Variants in FAM149B1 observed in about 807,000 individuals in gnomAD.
FAM149B1 encodes primary cilium assembly protein FAM149B1.
FAM149B1 carries 56 observed loss-of-function variants against 75.3 expected under a neutral mutation model. The observed-to-expected ratio is 0.74, with a 90% CI of 0.60 to 0.93. FAM149B1 has a LOEUF of 0.93. Among genes scored for constraint, FAM149B1 ranks in the 40% least tolerant of loss-of-function variants. The probability of loss-of-function intolerance (pLI) is 0.00; values close to 1 mark genes in which losing one functional copy is unlikely to be tolerated. For missense variants in FAM149B1, 639 were observed against 708.4 expected (o/e 0.90, Z 1.11); for synonymous variants, 259 against 256.1 (o/e 1.01, Z -0.11).
At chr10:73,200,387 G>A in intron 5 of FAM149B1, 1 of 552,674 alleles carries the variant, frequency 1.8e-6, no homozygotes, top group Non-Finnish European at 3.5e-6. Context: ...GGCACTTGGA[G>A]ATTATATGGG....
In FAM149B1 at chr10:73,230,347, C is replaced by T. The variant is rs376112730; in HGVS notation, c.1024-75C>T. On this transcript the variant is annotated intron_variant, in intron 8 of 13. Transcript: ENST00000242505. ...TAAATAACCAAATTGGAAATATTAA[C>T]TTTTGGCAAAGTTGGAAAACCAAAC... 94 of 790,496 alleles carry T rather than the reference C, an allele frequency of 1.2e-4. No individual in the cohort carries two copies. In the African/African-American group the frequency reaches 1.3e-3, roughly 11 times the overall value. The allele number at this position is 790,496 out of a possible 1,614,324, so 49.0% of individuals were successfully genotyped here.
chr10:73,213,456 C>CAGGTCTTGGGTTT, intron 7 of FAM149B1, among the ~76,000 whole-genome samples: 1 of 152,218 alleles, frequency 6.6e-6, no homozygotes, highest in East Asian at 1.9e-4. Flanking sequence ...GTTACAGTTT[C>CAGGTCTTGGGTTT]AGGTCTTGGG....
chr10:73,216,034 C>T (rs376405025), intron 7 of FAM149B1, among the ~76,000 whole-genome samples: 6 of 152,242 alleles, frequency 3.9e-5, no homozygotes, highest in African/African-American at 1.2e-4. Context: ...TTGTTGTCTG[C>T]TCTTTCTTTA....
intron 5 of FAM149B1, among the ~76,000 whole-genome samples, chr10:73,203,963 T>G (rs566506262): frequency 5.3e-5 from 8 of 152,184 alleles, no homozygotes; most frequent in African/African-American, 1.9e-4. Context: ...TATAGCTAAA[T>G]CTTACAGGTC....
At chr10:73,183,892 C>T (rs1330872079) in intron 3 of FAM149B1, among the ~76,000 whole-genome samples, 1 of 152,158 alleles carries the variant, frequency 6.6e-6, no homozygotes. Flanking sequence ...AGACCCTATG[C>T]CCAACAGCAT....
chr10:73,227,972 G>A lies in FAM149B1; in HGVS notation c.899-88G>A. 1.5e-6 allele frequency: 2 copies of A among 1,302,142 alleles called. 1 individual carries two copies. Among genetic ancestry groups the A allele is most frequent in the Non-Finnish European group, 2.2e-6 (2 of 927,544 alleles). 80.7% of individuals were successfully genotyped at this position (1,302,142 alleles called of 1,614,324 possible). ...TAAGTGAAGCCTTGTTTGAGATTAT[G>A]AATTCTCAGGAGAGATCTTTTTTCA... On this transcript the variant is annotated intron_variant, in intron 7 of 13. Transcript: ENST00000242505.
At chr10:73,239,793 TA>T (rs1260192891) in intron 13 of FAM149B1, among the ~76,000 whole-genome samples, 1 of 152,214 alleles carries the variant, frequency 6.6e-6, no homozygotes, top group African/African-American at 2.4e-5. Flanking sequence ...TTTGATCAGT[TA>T]ATCTGTTAGG....
intron 5 of FAM149B1, chr10:73,201,287 A>G (rs140204782): frequency 9.0e-6 from 2 of 221,230 alleles, no homozygotes; most frequent in African/African-American, 4.6e-5. Context: ...GACAATTACA[A>G]TGTGCATTGT....
intron 7 of FAM149B1, among the ~76,000 whole-genome samples, chr10:73,217,653 A>G (rs994296292): frequency 8.5e-5 from 13 of 152,254 alleles, no homozygotes; most frequent in Non-Finnish European, 1.6e-4. Flanking sequence ...ACTGAGAGCT[A>G]GTGGACTAAC....
chr10:73,237,966 TAAAAA>T (rs140492282), intron 12 of FAM149B1, among the ~76,000 whole-genome samples: 21 of 151,272 alleles, frequency 1.4e-4, no homozygotes, highest in Non-Finnish European at 2.7e-4. Flanking sequence ...TTAAGTTTAT[TAAAAA>T]AAAAGTAAAA....
intron 5 of FAM149B1, among the ~76,000 whole-genome samples, chr10:73,201,994 G>C (rs567390580): frequency 1.2e-4 from 18 of 151,890 alleles, no homozygotes; most frequent in African/African-American, 2.4e-4. Context: ...GTGAAACCCC[G>C]TCTCTACTAA....
At chr10:73,188,314 G>A (rs7080885) in intron 3 of FAM149B1, among the ~76,000 whole-genome samples, 23,959 of 151,974 alleles carry the variant, frequency 0.16, 3,144 homozygotes, top group African/African-American at 0.34. Flanking sequence ...TAAAAAATTT[G>A]CTCAAAATGA....
intron 7 of FAM149B1, among the ~76,000 whole-genome samples, chr10:73,221,064 G>T (rs929283496): frequency 3.9e-5 from 6 of 152,160 alleles, no homozygotes; most frequent in Non-Finnish European, 7.4e-5. Flanking sequence ...CATATGAAAT[G>T]TCCAGAATAG....
rs1469027332 is a variant in FAM149B1, at chr10:73,200,257, G to A, written c.542+6664G>A. 2.3e-5 allele frequency: 6 copies of A among 263,898 alleles called. No individual in the cohort carries two copies. The South Asian group carries it at 3.1e-4, about 14-fold the overall frequency. 16.3% of individuals were successfully genotyped at this position (263,898 alleles called of 1,614,324 possible). A position where few individuals can be genotyped will look rare whatever the true frequency, so the allele number is the denominator to read the frequency against. On this transcript the variant is annotated intron_variant, in intron 5 of 13. Transcript: ENST00000242505. ...GGCAGGAGAATCATCGCTTGAACCTGGGAGGCGGAGGTTGCAGTGAGCCGA... is the reference window on the plus strand; with the variant it reads ...GGCAGGAGAATCATCGCTTGAACCTAGGAGGCGGAGGTTGCAGTGAGCCGA...
intron 3 of FAM149B1, among the ~76,000 whole-genome samples, chr10:73,185,577 AGAAGTCCAG>A: frequency 6.6e-6 from 1 of 152,196 alleles, no homozygotes; most frequent in African/African-American, 2.4e-5. Flanking sequence ...CTTCCCACAA[AGAAGTCCAG>A]GCACAGATGC....
At chr10:73,236,504 A>G (rs752057113) in intron 12 of FAM149B1, among the ~76,000 whole-genome samples, 18 of 147,502 alleles carry the variant, frequency 1.2e-4, no homozygotes, top group Non-Finnish European at 2.4e-4. Context: ...ACCTCTGCCT[A>G]CTGGGTTCAT....
At chr10:73,191,384 A>G (rs1222014039) in intron 3 of FAM149B1, among the ~76,000 whole-genome samples, 3 of 129,864 alleles carry the variant, frequency 2.3e-5, no homozygotes, top group Non-Finnish European at 4.9e-5. Flanking sequence ...TTGCCCAGGC[A>G]GGAGTGCAAT....
At chr10:73,170,362 G>A (rs948691003) in intron 1 of FAM149B1, among the ~76,000 whole-genome samples, 1 of 152,022 alleles carries the variant, frequency 6.6e-6, no homozygotes. Context: ...AAATTAGCTG[G>A]GCATGGTGGC....
At chr10:73,190,590 C>A (rs1287318498) in intron 3 of FAM149B1, among the ~76,000 whole-genome samples, 1 of 151,712 alleles carries the variant, frequency 6.6e-6, no homozygotes, top group Non-Finnish European at 1.5e-5. Context: ...TATTTTCAAA[C>A]ATAGATATGA....
Sources: allele counts gnomAD v4.1 joint callset (sites outside exome capture counted in the v4.1 genomes callset), GRCh38; gene constraint gnomAD v4.1.1; transcripts MANE v1.5; gene names NCBI Gene and HGNC (gene_info 2026-07-23, HGNC 2026-07-21).